MACROD1: variants seen among roughly 807,000 people sequenced by gnomAD.
MACROD1 encodes ADP-ribose glycohydrolase MACROD1.
Under a neutral mutation model 41.4 loss-of-function variants are expected in MACROD1, and 31 were observed. The ratio of observed to expected loss-of-function variants is 0.75; its 90% CI spans 0.56 to 1.01. The LOEUF (loss-of-function observed/expected upper bound fraction) is 1.01. Ranked by LOEUF, MACROD1 falls within the 50% of genes least tolerant of loss-of-function variation. The probability of loss-of-function intolerance (pLI) is 0.00; values close to 1 mark genes in which losing one functional copy is unlikely to be tolerated. For synonymous variants in MACROD1, 252 were observed against 203.4 expected, an observed-to-expected ratio of 1.24 and a Z score of -2.03; for missense variants, 473 against 460.0, an observed-to-expected ratio of 1.03 and a Z score of -0.26.
rs1565193417 is a variant in MACROD1, at chr11:64,010,711, G to T, written c.547+4541C>A. On this transcript the variant is annotated intron_variant, in intron 4 of 10. Coordinates refer to ENST00000255681, the MANE Select transcript of MACROD1 (RefSeq NM_014067.4). Reference sequence around the variant, plus strand: ...TGTTGGCTGGCATGTTGGCTGGCATGTTGGTTGGGGTGTTGGTTGGCATGT... The same window carrying T: ...TGTTGGCTGGCATGTTGGCTGGCATTTTGGTTGGGGTGTTGGTTGGCATGT... 6.0e-5 allele frequency among the ~76,000 whole-genome samples: 9 copies of T among 151,064 alleles called. No homozygotes were observed. In the South Asian group the frequency reaches 1.9e-3, roughly 32 times the overall value.
intron 3 of MACROD1, among the ~76,000 whole-genome samples, chr11:64,042,141 G>A (rs1181967087): frequency 1.3e-5 from 2 of 152,128 alleles, no homozygotes; most frequent in African/African-American, 2.4e-5. Flanking sequence ...TGTGCACCAC[G>A]CTCACACCTC....
At chr11:64,040,561 C>T (rs1361784744) in intron 3 of MACROD1, among the ~76,000 whole-genome samples, 1 of 152,204 alleles carries the variant, frequency 6.6e-6, no homozygotes, top group Non-Finnish European at 1.5e-5. Flanking sequence ...AGTGGGCTTC[C>T]TAGGCCCGGG....
Position 64,143,753 on chromosome 11 carries a change from TACACACAC to T in MACROD1, c.517+7478_517+7485del, listed in dbSNP as rs55995667. Among the ~76,000 whole-genome samples, 754 of 101,666 alleles carry T rather than the reference TACACACAC, an allele frequency of 7.4e-3. 10 individuals are homozygous for T. The highest frequency in any genetic ancestry group is 0.065 in the East Asian group (220 of 3,374). 66.7% of individuals were successfully genotyped at this position (101,666 alleles called of 152,430 possible). On this transcript the variant is annotated intron_variant, in intron 3 of 10. Coordinates refer to ENST00000255681, the MANE Select transcript of MACROD1 (RefSeq NM_014067.4). ...CCTTCCCCCAACCCCGACACACACA[TACACACAC>T]ACACACACACACACACACACACACA...
At chr11:64,074,006 G>C (rs1944156503) in intron 3 of MACROD1, among the ~76,000 whole-genome samples, 1 of 152,194 alleles carries the variant, frequency 6.6e-6, no homozygotes, top group Non-Finnish European at 1.5e-5. Context: ...CGTCTGGCCA[G>C]GCCCTGAGTC....
intron 3 of MACROD1, among the ~76,000 whole-genome samples, chr11:64,142,602 C>T (rs1439884386): frequency 6.6e-6 from 1 of 152,208 alleles, no homozygotes; most frequent in Non-Finnish European, 1.5e-5. Flanking sequence ...CTCAATAATT[C>T]AGGAGGGATC....
chr11:64,065,641 T>G (rs1943989235), intron 3 of MACROD1, among the ~76,000 whole-genome samples: 1 of 151,686 alleles, frequency 6.6e-6, no homozygotes, highest in African/African-American at 2.4e-5. Context: ...ATACAAAAAA[T>G]TAGCCAGGCA....
intron 3 of MACROD1, among the ~76,000 whole-genome samples, chr11:64,020,698 C>T (rs1019267937): frequency 2.0e-5 from 3 of 152,078 alleles, no homozygotes; most frequent in African/African-American, 7.2e-5. Flanking sequence ...ATCACTATCA[C>T]TGCCTCCAGA....
chr11:64,028,561 C>G (rs998447005), intron 3 of MACROD1, among the ~76,000 whole-genome samples: 5 of 152,232 alleles, frequency 3.3e-5, no homozygotes, highest in Non-Finnish European at 7.4e-5. Context: ...CCCTCTGCTC[C>G]CTCCGCGGCC....
intron 3 of MACROD1, among the ~76,000 whole-genome samples, chr11:64,128,572 A>T (rs1434478903): frequency 6.6e-6 from 1 of 152,036 alleles, no homozygotes; most frequent in East Asian, 1.9e-4. Flanking sequence ...ACAGGAGGGC[A>T]GGTCCACTTC....
At chr11:64,097,585 G>A (rs1250599323) in intron 3 of MACROD1, among the ~76,000 whole-genome samples, 4 of 152,230 alleles carry the variant, frequency 2.6e-5, no homozygotes, top group Non-Finnish European at 5.9e-5. Context: ...GCACACTCTC[G>A]CAAATACCCT....
intron 3 of MACROD1, among the ~76,000 whole-genome samples, chr11:64,138,964 A>C (rs1171979201): frequency 6.6e-6 from 1 of 152,126 alleles, no homozygotes; most frequent in Admixed American, 6.5e-5. Flanking sequence ...ACAGGGTTTC[A>C]CTATCTTGGC....
At chr11:64,097,655 G>A (rs779690221) in intron 3 of MACROD1, among the ~76,000 whole-genome samples, 7 of 152,326 alleles carry the variant, frequency 4.6e-5, no homozygotes, top group East Asian at 1.9e-4. Context: ...GGGAGGGTTC[G>A]CACCACACAA....
At chr11:64,121,539 G>A (rs1306375878) in intron 3 of MACROD1, among the ~76,000 whole-genome samples, 2 of 152,196 alleles carry the variant, frequency 1.3e-5, no homozygotes, top group Admixed American at 6.5e-5. Flanking sequence ...AGCCAGGGAG[G>A]GGCCAGAAGC....
chr11:64,097,015 G>A lies in MACROD1; in HGVS notation c.517+54224C>T, dbSNP rs558645511. Among the ~76,000 whole-genome samples, 15 of 152,326 alleles carry A rather than the reference G, an allele frequency of 9.8e-5. No homozygotes were observed. The East Asian group carries it at 1.5e-3, about 16-fold the overall frequency. On this transcript the variant is annotated intron_variant, in intron 3 of 10. Coordinates refer to ENST00000255681, the MANE Select transcript of MACROD1 (RefSeq NM_014067.4). ...GGGAGGAGATTGCAAAGGCACAAGAGCACTCCAGGCGGATGAGAACTCTTC... is the reference window on the plus strand; with the variant it reads ...GGGAGGAGATTGCAAAGGCACAAGAACACTCCAGGCGGATGAGAACTCTTC...
chr11:64,159,003 T>C (rs995308142), intron 1 of MACROD1, among the ~76,000 whole-genome samples: 15 of 150,962 alleles, frequency 9.9e-5, no homozygotes, highest in African/African-American at 2.2e-4. Flanking sequence ...CTGGCCAACA[T>C]TGCAAAACCC....
rs11825864 is a variant in MACROD1, at chr11:64,067,324, C to T, written c.518-52043G>A. ...CTCCTCCCCACTGCTCAGCCTCTCC[C>T]GGAGGATGGTGAGGGGGGAATCCAT... On this transcript the variant is annotated intron_variant, in intron 3 of 10. Transcript: ENST00000255681. The surrounding 1 kb of genome is among the most constrained non-coding windows in gnomAD (Gnocchi z 4.6). Among the ~76,000 whole-genome samples the T allele has an allele frequency of 0.17, 25,509 of 152,048 alleles. 3,077 individuals carry two copies. Among genetic ancestry groups the T allele is most frequent in the East Asian group, 0.49 (2,514 of 5,140 alleles).
At chr11:64,063,882 G>A (rs1245598436) in intron 3 of MACROD1, among the ~76,000 whole-genome samples, 1 of 152,232 alleles carries the variant, frequency 6.6e-6, no homozygotes, top group Non-Finnish European at 1.5e-5. Context: ...CCCCAGAGAG[G>A]GTGGTGGAGG....
intron 8 of MACROD1, 59 bp downstream of exon 8, chr11:63,999,272 G>A: frequency 6.6e-7 from 1 of 1,523,990 alleles, no homozygotes; most frequent in South Asian, 1.2e-5. Flanking sequence ...GGGCGATGAT[G>A]GGGGCTGGTC....
intron 1 of MACROD1, among the ~76,000 whole-genome samples, chr11:64,164,252 A>C (rs1945800412): frequency 6.6e-6 from 1 of 152,222 alleles, no homozygotes; most frequent in Admixed American, 6.5e-5. Flanking sequence ...ACCTCGAAGC[A>C]AAAGGGAGAC....
Sources: gnomAD v4.1 joint callset for allele counts (sites outside exome capture counted in the v4.1 genomes callset) on GRCh38, gnomAD v4.1.1 for gene constraint, Gnocchi (gnomAD v3.1) non-coding constraint, MANE v1.5 for transcripts, NCBI Gene and HGNC (gene_info 2026-07-23, HGNC 2026-07-21) for gene names.